The following ATRX variants were observed in gnomAD, a reference collection of about 807,000 sequenced individuals.
ATRX encodes the protein ATRX chromatin remodeler, also known as chromatin remodeler ATRX.
ATRX carries 12 observed loss-of-function variants against 172.6 expected under a neutral mutation model. The observed-to-expected ratio is 0.07, with a 90% CI of 0.04 to 0.11. ATRX has a LOEUF of 0.11. ATRX is among the 10% of genes least tolerant of loss of function. The pLI, the probability that ATRX is intolerant of heterozygous loss-of-function variation, is 1.00. For missense variants in ATRX, 1,368 were observed against 1,767.4 expected (o/e 0.77, Z 4.05); for synonymous variants, 674 against 594.7 (o/e 1.13, Z -1.94).
At chrX:77,677,929 A>G (rs1244562336) in intron 9 of ATRX, among the ~76,000 whole-genome samples, 4 of 111,362 alleles carry the variant, frequency 3.6e-5, no homozygotes, top group African/African-American at 9.8e-5. Flanking sequence ...AAATAAGGCC[A>G]GGCGTGGTGG....
At chrX:77,525,133 A>C (rs1285099640) in intron 30 of ATRX, among the ~76,000 whole-genome samples, 1 of 112,479 alleles carries the variant, frequency 8.9e-6, no homozygotes, top group Non-Finnish European at 1.9e-5. Flanking sequence ...CTGATAGAAT[A>C]CATGGATGCT....
chrX:77,565,294 A>C (rs1180622961), intron 28 of ATRX, among the ~76,000 whole-genome samples: 1 of 111,894 alleles, frequency 8.9e-6, no homozygotes, highest in Non-Finnish European at 1.9e-5. Context: ...AAAGATTTAA[A>C]TAAAATCCAG....
At position 77,684,909 on chromosome X, in the gene ATRX, A is replaced by G. The variant is rs1557143020; in HGVS notation, c.662+30T>C. On this transcript the variant is annotated intron_variant, in intron 8 of 34. Transcript: ENST00000373344. ...ACAATTCCTCCCAAAAGTAGGAAAC[A>G]CTGAATGTTAGCTCATCTATATTAC... 6.1e-6 allele frequency: 7 copies of G among 1,143,311 alleles called. No individual in the cohort carries two copies. The Admixed American group carries it at 6.6e-5, about 11-fold the overall frequency. 94.2% of individuals were successfully genotyped at this position (1,143,311 alleles called of 1,213,427 possible). A position where few individuals can be genotyped will look rare whatever the true frequency, so the allele number is the denominator to read the frequency against.
At chrX:77,784,410 C>T (rs932354854) in intron 1 of ATRX, among the ~76,000 whole-genome samples, 2 of 112,366 alleles carry the variant, frequency 1.8e-5, no homozygotes, top group East Asian at 2.8e-4. Flanking sequence ...ATTCTATATA[C>T]GTAATTTGTT....
chrX:77,530,663 T>G (rs1557046044), intron 30 of ATRX, among the ~76,000 whole-genome samples: 1 of 109,735 alleles, frequency 9.1e-6, no homozygotes, highest in African/African-American at 3.3e-5. Flanking sequence ...AGATTTCACG[T>G]TAACAACCAA....
At chrX:77,632,416 G>C (rs1396265142) in intron 19 of ATRX, among the ~76,000 whole-genome samples, 1 of 111,013 alleles carries the variant, frequency 9.0e-6, no homozygotes, top group African/African-American at 3.3e-5. Flanking sequence ...CTATTTAATC[G>C]TGGGAAAGAG....
chrX:77,628,353 G>T (rs1352802267), intron 19 of ATRX, among the ~76,000 whole-genome samples: 1 of 112,534 alleles, frequency 8.9e-6, no homozygotes, highest in East Asian at 2.8e-4. Context: ...GATTGTTTAA[G>T]TACATTAAGT....
In ATRX at chrX:77,561,638, T is replaced by C. The variant is rs182851206; in HGVS notation, c.6327-2792A>G. 4 of 111,342 alleles carry C rather than the reference T, an allele frequency of 3.6e-5. No homozygotes were observed. The Admixed American group carries it at 3.8e-4, about 11-fold the overall frequency. 9.2% of individuals were successfully genotyped at this position (111,342 alleles called of 1,213,427 possible). A position where few individuals can be genotyped will look rare whatever the true frequency, so the allele number is the denominator to read the frequency against. ...TCTATAAAGTAGTTATTCCAATTCA[T>C]ATTCCCACCAGCATTATATGAGGCT... On this transcript the variant is annotated intron_variant, in intron 28 of 34. Transcript: ENST00000373344.
intron 6 of ATRX, among the ~76,000 whole-genome samples, chrX:77,690,648 G>C (rs1398497159): frequency 9.0e-6 from 1 of 110,891 alleles, no homozygotes; most frequent in East Asian, 2.8e-4. Context: ...ACACCAGTTT[G>C]ATCTTGGGTA....
At chrX:77,534,235 A>G (rs1396419416) in intron 30 of ATRX, among the ~76,000 whole-genome samples, 1 of 111,977 alleles carries the variant, frequency 8.9e-6, no homozygotes, top group Non-Finnish European at 1.9e-5. Context: ...CATGAATAAG[A>G]GAAAAAAAAG....
intron 1 of ATRX, among the ~76,000 whole-genome samples, chrX:77,759,862 C>T (rs188403928): frequency 9.0e-6 from 1 of 110,873 alleles, no homozygotes; most frequent in Non-Finnish European, 1.9e-5. Flanking sequence ...AAAAGGAAAC[C>T]ACTGGTAAAA....
chrX:77,610,173 C>T (rs2067095662), intron 22 of ATRX, among the ~76,000 whole-genome samples: 2 of 111,497 alleles, frequency 1.8e-5, no homozygotes, highest in Non-Finnish European at 3.8e-5. Context: ...ATCATGTCAC[C>T]TGCAAACTGA....
chrX:77,516,489 C>T (rs1427181377), intron 34 of ATRX, among the ~76,000 whole-genome samples: 3 of 111,576 alleles, frequency 2.7e-5, no homozygotes, highest in African/African-American at 6.5e-5. Flanking sequence ...AAAGAGACAA[C>T]GATGGTCATT....
intron 1 of ATRX, among the ~76,000 whole-genome samples, chrX:77,759,578 G>T (rs1411292739): frequency 1.8e-5 from 2 of 110,478 alleles, no homozygotes; most frequent in Non-Finnish European, 1.9e-5. Context: ...GCCAAGTGTG[G>T]TGGTGCACAG....
chrX:77,516,476 TA>T (rs2063058496), intron 34 of ATRX, among the ~76,000 whole-genome samples: 1 of 111,406 alleles, frequency 9.0e-6, no homozygotes, highest in East Asian at 2.8e-4. Context: ...ACAAAAAATA[TA>T]AAAAGAGACA....
chrX:77,775,715 C>CTTTATTTATTTATTTA (rs112567888), intron 1 of ATRX, among the ~76,000 whole-genome samples: 1 of 100,328 alleles, frequency 1.0e-5, no homozygotes, highest in East Asian at 3.2e-4. Context: ...AACAATAATT[C>CTTTATTTATTTATTTA]TTTATTTATT....
At position 77,663,392 on chromosome X, in the gene ATRX, G is replaced by A; in HGVS notation, c.4110C>T (p.Asn1370=). The part of the protein sequence containing the change: ...PKEHKEVKGR[N]RRKVSSEDSE... ...ATTAAAACATCTTACCCTTTCTTCT[G>A]TTTCTGCCTTTGACTTCTTTATGCT... The change falls in exon 12 of 35, where the codon AAC becomes AAT. Residue 1370 remains asparagine, a synonymous_variant. Coordinates refer to ENST00000373344, the MANE Select transcript of ATRX (RefSeq NM_000489.6). 1 of 1,210,881 alleles carries A rather than the reference G, an allele frequency of 8.3e-7. No homozygotes were observed. The highest frequency in any genetic ancestry group is 1.1e-6 in the Non-Finnish European group (1 of 894,933).
chrX:77,612,524 A>G (rs1437479679), intron 22 of ATRX, among the ~76,000 whole-genome samples: 1 of 110,655 alleles, frequency 9.0e-6, no homozygotes, highest in South Asian at 3.8e-4. Context: ...ACCATGGCAC[A>G]TGTATACTTA....
In ATRX at chrX:77,677,932, C is replaced by T. The variant is rs781814138; in HGVS notation, c.3737-1634G>A. Among the ~76,000 whole-genome samples, 32 of 111,062 alleles carry T rather than the reference C, an allele frequency of 2.9e-4. No individual in the cohort carries two copies. The Middle Eastern group carries it at 0.014, about 48-fold the overall frequency. On this transcript the variant is annotated intron_variant, in intron 9 of 34. Coordinates refer to ENST00000373344, the MANE Select transcript of ATRX (RefSeq NM_000489.6). ...TAGAAATACACTAAATAAGGCCAGG[C>T]GTGGTGGCTCAAGCTTGTAATGCCA...
Sources: gnomAD v4.1 joint callset for allele counts (sites outside exome capture counted in the v4.1 genomes callset) on GRCh38, gnomAD v4.1.1 for gene constraint, MANE v1.5 for transcripts, NCBI Gene and HGNC (gene_info 2026-07-23, HGNC 2026-07-21) for gene names.